The following CACNA2D1 variants were observed in gnomAD, a reference collection of about 807,000 sequenced individuals.
CACNA2D1 encodes calcium voltage-gated channel auxiliary subunit alpha2delta 1.
In CACNA2D1, 53 loss-of-function variants were observed where a neutral mutation model predicts 171.5. The ratio of observed to expected loss-of-function variants is 0.31; its 90% CI spans 0.25 to 0.39. The LOEUF (loss-of-function observed/expected upper bound fraction) is 0.39, where lower values mean the gene tolerates loss of function less well. Ranked by LOEUF, CACNA2D1 falls within the 10% of genes least tolerant of loss-of-function variation. The probability of loss-of-function intolerance (pLI) is 1.00; values close to 1 mark genes in which losing one functional copy is unlikely to be tolerated. For synonymous variants in CACNA2D1, 442 were observed against 443.1 expected (o/e 1.00, Z 0.03); for missense variants, 903 against 1,299.8 (o/e 0.69, Z 4.69).
At chr7:82,177,095 G>A (rs1298439366) in intron 3 of CACNA2D1, among the ~76,000 whole-genome samples, 6 of 126,338 alleles carry the variant, frequency 4.7e-5, no homozygotes, top group African/African-American at 1.8e-4. Context: ...TTTGGCGGGG[G>A]TTGGGGGGCG....
At chr7:82,358,875 T>A (rs772780563) in intron 1 of CACNA2D1, among the ~76,000 whole-genome samples, 2 of 152,146 alleles carry the variant, frequency 1.3e-5, no homozygotes, top group Non-Finnish European at 2.9e-5. Context: ...ATCCAAGTAT[T>A]TTTTTTCATC....
intron 9 of CACNA2D1, among the ~76,000 whole-genome samples, chr7:82,062,101 A>G (rs1435903778): frequency 6.6e-6 from 1 of 152,138 alleles, no homozygotes; most frequent in African/African-American, 2.4e-5. Flanking sequence ...CATTAGTTTT[A>G]TAAGGGCAGT....
intron 1 of CACNA2D1, among the ~76,000 whole-genome samples, chr7:82,387,430 CA>C (rs1162089990): frequency 3.3e-5 from 5 of 152,028 alleles, no homozygotes; most frequent in African/African-American, 1.2e-4. Flanking sequence ...ACATATGAGT[CA>C]AAAACAAAAA....
At chr7:82,110,897 T>C (rs1461920786) in intron 6 of CACNA2D1, among the ~76,000 whole-genome samples, 1 of 152,120 alleles carries the variant, frequency 6.6e-6, no homozygotes, top group Non-Finnish European at 1.5e-5. Flanking sequence ...TACACTACGA[T>C]ATACACTATT....
intron 4 of CACNA2D1, among the ~76,000 whole-genome samples, chr7:82,156,281 T>G (rs1443546035): frequency 6.6e-6 from 1 of 152,176 alleles, no homozygotes; most frequent in Admixed American, 6.5e-5. Context: ...AGTTACTTGT[T>G]TTGTTGACTT....
chr7:82,349,787 TC>T, intron 1 of CACNA2D1, 138 bp from the exon 2 acceptor site: 2 of 725,794 alleles, frequency 2.8e-6, no homozygotes, highest in Non-Finnish European at 4.9e-6. Context: ...ACCGACTATG[TC>T]CACCCTTCCA....
intron 24 of CACNA2D1, among the ~76,000 whole-genome samples, chr7:81,978,019 A>C (rs974333962): frequency 6.6e-6 from 1 of 152,240 alleles, no homozygotes; most frequent in Non-Finnish European, 1.5e-5. Flanking sequence ...CAGAAATGCA[A>C]ATCAAAACCA....
At chr7:81,958,505 T>TGC (rs1793706918) in intron 38 of CACNA2D1, among the ~76,000 whole-genome samples, 1 of 151,896 alleles carries the variant, frequency 6.6e-6, no homozygotes, top group Non-Finnish European at 1.5e-5. Context: ...TAGATTAATA[T>TGC]TTCTTAAGAA....
intron 1 of CACNA2D1, among the ~76,000 whole-genome samples, chr7:82,381,773 G>A (rs1007369438): frequency 2.0e-5 from 3 of 152,068 alleles, no homozygotes; most frequent in Middle Eastern, 3.4e-3. Context: ...TCTTACTTTG[G>A]CTGGTAGAAA....
intron 10 of CACNA2D1, among the ~76,000 whole-genome samples, chr7:82,056,691 C>A (rs938560647): frequency 1.2e-4 from 19 of 152,158 alleles, no homozygotes; most frequent in African/African-American, 3.4e-4. Flanking sequence ...ACCAGCAACT[C>A]GATGTAAAAA....
chr7:81,968,263 T>C (rs1794912219), intron 29 of CACNA2D1, among the ~76,000 whole-genome samples: 1 of 151,430 alleles, frequency 6.6e-6, no homozygotes, highest in South Asian at 2.1e-4. Flanking sequence ...CACTGAATCA[T>C]ACAATCAAAA....
At chr7:82,424,582 G>A (rs1452441168) in intron 1 of CACNA2D1, among the ~76,000 whole-genome samples, 4 of 152,062 alleles carry the variant, frequency 2.6e-5, no homozygotes, top group Non-Finnish European at 5.9e-5. Context: ...TAATTTGGAA[G>A]GATCATAATC....
chr7:82,295,678 T>C (rs1036983065), intron 3 of CACNA2D1, among the ~76,000 whole-genome samples: 1 of 151,732 alleles, frequency 6.6e-6, no homozygotes, highest in Admixed American at 6.6e-5. Context: ...TGTATAAACA[T>C]AAATGAGTCA....
intron 7 of CACNA2D1, among the ~76,000 whole-genome samples, chr7:82,074,824 A>G (rs1384909251): frequency 5.3e-5 from 8 of 151,986 alleles, no homozygotes; most frequent in Admixed American, 5.2e-4. Flanking sequence ...TCATATCACT[A>G]TATTGGTTGG....
intron 1 of CACNA2D1, among the ~76,000 whole-genome samples, chr7:82,416,309 C>T (rs983764620): frequency 1.3e-5 from 2 of 152,018 alleles, no homozygotes; most frequent in African/African-American, 4.8e-5. Flanking sequence ...TATGCTCCAC[C>T]AGTCCTTAAA....
chr7:82,077,234 T>C (rs1029043920), intron 7 of CACNA2D1, among the ~76,000 whole-genome samples: 9 of 152,316 alleles, frequency 5.9e-5, no homozygotes, highest in African/African-American at 2.2e-4. Flanking sequence ...TCTGTTTTCC[T>C]TTTCTTACTT....
chr7:82,159,919 A>T (rs1167720346), intron 4 of CACNA2D1, among the ~76,000 whole-genome samples: 1 of 150,010 alleles, frequency 6.7e-6, no homozygotes, highest in Non-Finnish European at 1.5e-5. Context: ...ATGAAGAGAG[A>T]ACATACACAC....
At chr7:82,064,273 A>G in intron 9 of CACNA2D1, 31 bp downstream of exon 9, 2 of 1,426,974 alleles carry the variant, frequency 1.4e-6, no homozygotes, top group Non-Finnish European at 2.0e-6. Context: ...CATATTCTCA[A>G]TATATAAATA....
intron 38 of CACNA2D1, among the ~76,000 whole-genome samples, chr7:81,951,792 T>C (rs918574100): frequency 1.3e-5 from 2 of 152,192 alleles, no homozygotes; most frequent in South Asian, 2.1e-4. Flanking sequence ...TGTGCTGCTA[T>C]AAACATGCAT....
Sources: gnomAD v4.1 joint callset for allele counts (sites outside exome capture counted in the v4.1 genomes callset) on GRCh38, gnomAD v4.1.1 for gene constraint, MANE v1.5 for transcripts, NCBI Gene and HGNC (gene_info 2026-07-23, HGNC 2026-07-21) for gene names.